The following HYDIN variants were observed in gnomAD, a reference collection of about 807,000 sequenced individuals.
HYDIN encodes axonemal central pair apparatus protein HYDIN.
A neutral mutation model predicts 403.9 loss-of-function variants in HYDIN; 132 were observed. The ratio of observed to expected loss-of-function variants is 0.33; its 90% CI spans 0.28 to 0.38. The LOEUF (loss-of-function observed/expected upper bound fraction) is 0.38, where lower values mean the gene tolerates loss of function less well. Among genes scored for constraint, HYDIN ranks in the 10% least tolerant of loss-of-function variants. The pLI is 1.00. For missense variants in HYDIN, 2,827 were observed against 5,009.5 expected (o/e 0.56, Z 13.15); for synonymous variants, 1,202 against 1,891.7 (o/e 0.64, Z 9.46).
At chr16:70,808,131 C>T (rs2035219188) in intron 85 of HYDIN, 69 bp from the exon 86 acceptor site, 1 of 1,513,098 alleles carries the variant, frequency 6.6e-7, no homozygotes, top group Non-Finnish European at 8.9e-7. Flanking sequence ...TCAAGTCTAC[C>T]CCAGCCCCTC....
chr16:70,933,528 TG>T (rs1425646904), intron 45 of HYDIN: 1 of 151,666 alleles, frequency 6.6e-6, no homozygotes. Flanking sequence ...AAATTGGGCC[TG>T]CCCCCACCGC....
intron 23 of HYDIN, among the ~76,000 whole-genome samples, chr16:71,008,572 T>C (rs2079968090): frequency 6.6e-6 from 1 of 152,092 alleles, no homozygotes; most frequent in South Asian, 2.1e-4. Flanking sequence ...GACATATTCT[T>C]TGTGGTCTGG....
At chr16:70,922,912 C>A (rs1231263559) in intron 45 of HYDIN, among the ~76,000 whole-genome samples, 1 of 148,640 alleles carries the variant, frequency 6.7e-6, no homozygotes, top group Non-Finnish European at 1.5e-5. Context: ...GGACTACAGG[C>A]ATGTGCCACC....
chr16:70,919,499 G>T (rs1447046965), intron 46 of HYDIN, among the ~76,000 whole-genome samples: 2 of 152,042 alleles, frequency 1.3e-5, no homozygotes, highest in Non-Finnish European at 2.9e-5. Flanking sequence ...AAGTCACATG[G>T]ATTGCAGGGA....
At chr16:71,224,880 A>G (rs946810737) in intron 1 of HYDIN, among the ~76,000 whole-genome samples, 8 of 152,200 alleles carry the variant, frequency 5.3e-5, no homozygotes, top group African/African-American at 1.9e-4. Context: ...TCTTTTAACA[A>G]TGGACTAGAA....
rs2035353968 is a variant in HYDIN, at chr16:70,809,887, G to T, written c.14779C>A (p.Leu4927Ile). The T allele has an allele frequency of 2.5e-6, 4 of 1,614,236 alleles. No individual in the cohort carries two copies. The highest frequency in any genetic ancestry group is 3.4e-6 in the Non-Finnish European group (4 of 1,180,044). The change falls in exon 85 of 86, where the codon CTT (leucine) becomes ATT (isoleucine). Residue 4927 changes from leucine to isoleucine, a missense_variant. By Grantham distance (5) the Leu-to-Ile change is conservative (BLOSUM62 2). Coordinates refer to ENST00000393567, the MANE Select transcript of HYDIN (RefSeq NM_001270974.2). Reference sequence around the variant, plus strand: ...TGGAAGTGAACAGGCTTTTCCGGAAGTGCTGGCGTGGCTTTCAGATAGAGC... The same window carrying T: ...TGGAAGTGAACAGGCTTTTCCGGAATTGCTGGCGTGGCTTTCAGATAGAGC... ...YELYLKATPALPEKPVHFQTV... is the reference protein window; with the variant it reads ...YELYLKATPAIPEKPVHFQTV...
intron 1 of HYDIN, among the ~76,000 whole-genome samples, chr16:71,200,254 T>C (rs569312245): frequency 6.0e-4 from 91 of 152,330 alleles, no homozygotes; most frequent in Non-Finnish European, 1.1e-3. Flanking sequence ...GCTCTGTCTA[T>C]GGAGTAGCCA....
chr16:71,080,898 C>T (rs890632222), intron 12 of HYDIN: 3 of 151,390 alleles, frequency 2.0e-5, no homozygotes, highest in East Asian at 1.9e-4. Flanking sequence ...GAGAACTCAA[C>T]CTGGCTTTGA....
At chr16:70,954,563 T>C (rs1213421860) in intron 40 of HYDIN, among the ~76,000 whole-genome samples, 1 of 151,860 alleles carries the variant, frequency 6.6e-6, no homozygotes, top group Non-Finnish European at 1.5e-5. Context: ...GTGTTCCCTA[T>C]CTAGGTACAT....
intron 18 of HYDIN, among the ~76,000 whole-genome samples, chr16:71,034,615 T>C (rs1236787726): frequency 2.0e-5 from 3 of 152,090 alleles, no homozygotes; most frequent in African/African-American, 4.8e-5. Context: ...TGAGGACAAA[T>C]GTAAGACAGA....
At chr16:70,991,274 G>A (rs766862519) in intron 25 of HYDIN, 44 bp downstream of exon 25, 2 of 1,611,568 alleles carry the variant, frequency 1.2e-6, no homozygotes, top group Non-Finnish European at 1.7e-6. Flanking sequence ...TTTATGGGAA[G>A]GACCCTTGAC....
At chr16:70,875,042 A>G (rs1318684747) in intron 62 of HYDIN, 123 bp from the exon 63 acceptor site, 1 of 1,072,866 alleles carries the variant, frequency 9.3e-7, no homozygotes, top group Non-Finnish European at 1.3e-6. Context: ...CCTAGTATTC[A>G]CTTTTTTGAA....
At chr16:71,135,463 ATAT>A (rs1335758126) in intron 8 of HYDIN, among the ~76,000 whole-genome samples, 1 of 147,346 alleles carries the variant, frequency 6.8e-6, no homozygotes, top group Admixed American at 6.8e-5. Flanking sequence ...CATCAATCAC[ATAT>A]TATCCATATA....
At chr16:71,046,727 T>C (rs902845075) in intron 18 of HYDIN, among the ~76,000 whole-genome samples, 1 of 152,242 alleles carries the variant, frequency 6.6e-6, no homozygotes, top group Non-Finnish European at 1.5e-5. Flanking sequence ...GTAGGGGATT[T>C]AATATCATTA....
At chr16:71,169,406 C>G (rs1175788823) in intron 5 of HYDIN, among the ~76,000 whole-genome samples, 1 of 151,972 alleles carries the variant, frequency 6.6e-6, no homozygotes, top group Non-Finnish European at 1.5e-5. Flanking sequence ...GCACTCCAGC[C>G]TGGGCAACAG....
At chr16:70,886,260 C>T (rs2041129642) in intron 58 of HYDIN, among the ~76,000 whole-genome samples, 1 of 151,634 alleles carries the variant, frequency 6.6e-6, no homozygotes, top group Non-Finnish European at 1.5e-5. Context: ...ATAGTACACG[C>T]ACCTCAATTA....
chr16:70,917,346 G>T lies in HYDIN; in HGVS notation c.8004+865C>A, dbSNP rs1470448268. Among the ~76,000 whole-genome samples the T allele has an allele frequency of 4.6e-5, 7 of 152,384 alleles. No individual in the cohort carries two copies. The South Asian group carries it at 6.2e-4, about 14-fold the overall frequency. On this transcript the variant is annotated intron_variant, in intron 47 of 85. Transcript: ENST00000393567. ...ACCGACGCTACTGATCTCAGATGTTGATTTCCTTCTTCCTTGTAAACTGAG... is the reference window on the plus strand; with the variant it reads ...ACCGACGCTACTGATCTCAGATGTTTATTTCCTTCTTCCTTGTAAACTGAG...
intron 5 of HYDIN, 112 bp downstream of exon 5, chr16:71,175,495 T>TACCACC (rs77913596): frequency 1.1e-5 from 11 of 1,001,494 alleles, no homozygotes; most frequent in African/African-American, 6.6e-5. Context: ...CCACCATCAA[T>TACCACC]ACCACCACCA....
At chr16:70,841,983 T>C (rs1292939599) in intron 75 of HYDIN, among the ~76,000 whole-genome samples, 1 of 150,712 alleles carries the variant, frequency 6.6e-6, no homozygotes, top group Non-Finnish European at 1.5e-5. Context: ...ACCTTCTTCC[T>C]GAGGATTTGA....
Sources: gnomAD v4.1 joint callset for allele counts (sites outside exome capture counted in the v4.1 genomes callset) on GRCh38, gnomAD v4.1.1 for gene constraint, MANE v1.5 for transcripts, NCBI Gene and HGNC (gene_info 2026-07-23, HGNC 2026-07-21) for gene names.